The following WDFY2 variants were observed in gnomAD, a reference collection of about 807,000 sequenced individuals.
The protein encoded by WDFY2 is WD repeat and FYVE domain-containing protein 2.
In WDFY2, 36 loss-of-function variants were observed where a neutral mutation model predicts 56.4. That is an observed-to-expected ratio of 0.64 (90% CI 0.49 to 0.84). The LOEUF is 0.84. Among genes scored for constraint, WDFY2 ranks in the 40% least tolerant of loss-of-function variants. The pLI is 0.00. For synonymous variants in WDFY2, 176 were observed against 183.7 expected (o/e 0.96, Z 0.34); for missense variants, 444 against 512.2 (o/e 0.87, Z 1.29).
chr13:51,688,381 A>G (rs958581757), intron 3 of WDFY2, among the ~76,000 whole-genome samples: 5 of 152,136 alleles, frequency 3.3e-5, no homozygotes, highest in Non-Finnish European at 2.9e-5. Flanking sequence ...TAGAGATTCA[A>G]TGAAATACTC....
At position 51,759,828 on chromosome 13, in the gene WDFY2, A is replaced by C. The variant is rs988016481; in HGVS notation, c.*59A>C. 7.3e-6 allele frequency: 8 copies of C among 1,088,446 alleles called. No homozygotes were observed. The African/African-American group carries it at 1.0e-4, about 14-fold the overall frequency. 67.4% of individuals were successfully genotyped at this position (1,088,446 alleles called of 1,614,324 possible). ...CTAAAGAAACGGTTGTTTTAACCCA[A>C]ATCATTACCAGAGTGGTAAAGCAGA... On this transcript the variant is annotated 3_prime_UTR_variant, in exon 12 of 12. Coordinates refer to ENST00000298125, the MANE Select transcript of WDFY2 (RefSeq NM_052950.4).
At chr13:51,734,785 A>G (rs1367505249) in intron 6 of WDFY2, among the ~76,000 whole-genome samples, 3 of 152,266 alleles carry the variant, frequency 2.0e-5, no homozygotes, top group Non-Finnish European at 1.5e-5. Context: ...AGGTCATATT[A>G]GGGAGGTCAA....
At chr13:51,736,610 A>T (rs1223193311) in intron 6 of WDFY2, among the ~76,000 whole-genome samples, 1 of 152,196 alleles carries the variant, frequency 6.6e-6, no homozygotes, top group African/African-American at 2.4e-5. Flanking sequence ...CTTCTGCCTC[A>T]GCCTCCCAAG....
chr13:51,594,774 G>T (rs1954113907), intron 1 of WDFY2, among the ~76,000 whole-genome samples: 1 of 152,176 alleles, frequency 6.6e-6, no homozygotes, highest in African/African-American at 2.4e-5. Context: ...TCCTAGTGTT[G>T]TTGGGAGGTT....
chr13:51,716,361 T>C (rs1952345637), intron 4 of WDFY2, among the ~76,000 whole-genome samples: 1 of 152,210 alleles, frequency 6.6e-6, no homozygotes, highest in African/African-American at 2.4e-5. Context: ...TGGTGAATTT[T>C]GTGTTATGTG....
intron 1 of WDFY2, among the ~76,000 whole-genome samples, chr13:51,627,389 A>G (rs1208711199): frequency 6.6e-6 from 1 of 151,904 alleles, no homozygotes; most frequent in East Asian, 1.9e-4. Flanking sequence ...CTTTTTTTTA[A>G]TGGAGTCTTG....
intron 7 of WDFY2, among the ~76,000 whole-genome samples, chr13:51,739,585 G>A (rs919655651): frequency 7.2e-5 from 11 of 152,158 alleles, no homozygotes; most frequent in African/African-American, 2.7e-4. Context: ...AAGAGGAGAG[G>A]TAAGATCCTT....
At chr13:51,719,118 A>G in intron 4 of WDFY2, 80 bp from the exon 5 acceptor site, 1 of 1,580,816 alleles carries the variant, frequency 6.3e-7, no homozygotes, top group Non-Finnish European at 8.6e-7. Context: ...GGAGAAGAGA[A>G]TGGTGCATCT....
intron 1 of WDFY2, among the ~76,000 whole-genome samples, chr13:51,596,644 G>A (rs1280170352): frequency 1.3e-5 from 2 of 152,206 alleles, no homozygotes; most frequent in Non-Finnish European, 2.9e-5. Context: ...TACATGGGTA[G>A]AGACAGAGAA....
chr13:51,618,751 T>G lies in WDFY2; in HGVS notation c.137+33927T>G, dbSNP rs576813437. Among the ~76,000 whole-genome samples, 4 of 152,350 alleles carry G rather than the reference T, an allele frequency of 2.6e-5. No individual in the cohort carries two copies. In the South Asian group the frequency reaches 6.2e-4, roughly 24 times the overall value. On this transcript the variant is annotated intron_variant, in intron 1 of 11. Transcript: ENST00000298125. ...CTAATTAACCTATATTCTCACAGAT[T>G]GTTGCTGGGAATTTCTCTGAACACA...
At chr13:51,668,464 TA>T (rs1566097729) in intron 2 of WDFY2, among the ~76,000 whole-genome samples, 1 of 152,234 alleles carries the variant, frequency 6.6e-6, no homozygotes, top group African/African-American at 2.4e-5. Flanking sequence ...GATTTAGATG[TA>T]AAATACTTTT....
intron 1 of WDFY2, among the ~76,000 whole-genome samples, chr13:51,652,588 A>G (rs1220982909): frequency 6.6e-6 from 1 of 152,132 alleles, no homozygotes; most frequent in Non-Finnish European, 1.5e-5. Flanking sequence ...GAGCTCTTTT[A>G]GGGCAGGCCT....
intron 3 of WDFY2, among the ~76,000 whole-genome samples, chr13:51,685,116 C>T (rs1334305885): frequency 2.6e-5 from 4 of 152,124 alleles, no homozygotes; most frequent in African/African-American, 7.2e-5. Flanking sequence ...GACCTCCTGC[C>T]GCCTCTATGG....
intron 1 of WDFY2, among the ~76,000 whole-genome samples, chr13:51,599,960 A>G (rs369613202): frequency 2.6e-5 from 4 of 151,594 alleles, no homozygotes; most frequent in African/African-American, 9.7e-5. Context: ...CAGTGCTTGC[A>G]TGTGGCCACT....
At chr13:51,617,948 A>G (rs1022553046) in intron 1 of WDFY2, among the ~76,000 whole-genome samples, 1 of 152,172 alleles carries the variant, frequency 6.6e-6, no homozygotes, top group African/African-American at 2.4e-5. Flanking sequence ...GTTTCTATTT[A>G]CTGTTAATTT....
chr13:51,726,060 A>G (rs1350518784), intron 5 of WDFY2, among the ~76,000 whole-genome samples: 1 of 152,212 alleles, frequency 6.6e-6, no homozygotes, highest in Non-Finnish European at 1.5e-5. Context: ...CACTGCCATC[A>G]CTGTCCCCTG....
At chr13:51,642,851 T>G (rs1027639862) in intron 1 of WDFY2, among the ~76,000 whole-genome samples, 3 of 151,940 alleles carry the variant, frequency 2.0e-5, no homozygotes, top group Non-Finnish European at 2.9e-5. Context: ...CAGCTAATTT[T>G]TGTATTTTTA....
intron 1 of WDFY2, among the ~76,000 whole-genome samples, chr13:51,609,257 A>T (rs183009010): frequency 6.6e-6 from 1 of 152,332 alleles, no homozygotes; most frequent in Admixed American, 6.5e-5. Context: ...TCTACTGATC[A>T]CAACTCCCAG....
intron 7 of WDFY2, among the ~76,000 whole-genome samples, chr13:51,749,164 A>G (rs1953171263): frequency 6.6e-6 from 1 of 152,230 alleles, no homozygotes; most frequent in African/African-American, 2.4e-5. Flanking sequence ...TTATGTTAAA[A>G]TGAAATGGAT....
Sources: allele counts gnomAD v4.1 joint callset (sites outside exome capture counted in the v4.1 genomes callset), GRCh38; gene constraint gnomAD v4.1.1; transcripts MANE v1.5; gene names NCBI Gene and HGNC (gene_info 2026-07-23, HGNC 2026-07-21).